Variants in GRM8 observed in about 807,000 individuals in gnomAD.
GRM8 encodes metabotropic glutamate receptor 8.
Under a neutral mutation model 87.2 loss-of-function variants are expected in GRM8, and 47 were observed. That is an observed-to-expected ratio of 0.54 (90% CI 0.43 to 0.69). The LOEUF (loss-of-function observed/expected upper bound fraction) is 0.69. Among genes scored for constraint, GRM8 ranks in the 30% least tolerant of loss-of-function variants. The pLI is 0.00. For synonymous variants in GRM8, 396 were observed against 404.5 expected (o/e 0.98, Z 0.25); for missense variants, 1,019 against 1,139.2 (o/e 0.89, Z 1.52).
At chr7:126,498,781 T>C (rs1440182659) in intron 9 of GRM8, among the ~76,000 whole-genome samples, 1 of 151,998 alleles carries the variant, frequency 6.6e-6, no homozygotes, top group African/African-American at 2.4e-5. Flanking sequence ...ATGGACATAA[T>C]GTAGCTAATG....
intron 7 of GRM8, among the ~76,000 whole-genome samples, chr7:126,704,811 T>C (rs1810322287): frequency 6.6e-6 from 1 of 152,142 alleles, no homozygotes; most frequent in Non-Finnish European, 1.5e-5. Context: ...TGATAAGATG[T>C]TATCAATGAC....
chr7:127,062,136 T>A (rs1430502294), intron 3 of GRM8, among the ~76,000 whole-genome samples: 3 of 85,002 alleles, frequency 3.5e-5, no homozygotes, highest in Middle Eastern at 5.6e-3. Context: ...AGAGCAAGAC[T>A]CCATCAAAAA....
chr7:126,900,493 TTTTG>T (rs1017455667), intron 6 of GRM8, among the ~76,000 whole-genome samples: 1 of 150,160 alleles, frequency 6.7e-6, no homozygotes, highest in African/African-American at 2.5e-5. Context: ...TAGCTAGCTT[TTTTG>T]TTTGTTTGTT....
chr7:126,528,293 G>A (rs1280467646), intron 9 of GRM8, among the ~76,000 whole-genome samples: 1 of 152,160 alleles, frequency 6.6e-6, no homozygotes, highest in Non-Finnish European at 1.5e-5. Context: ...AATGGCAGGT[G>A]AAATTGAGAC....
intron 6 of GRM8, among the ~76,000 whole-genome samples, chr7:126,859,673 C>T (rs1001027763): frequency 1.3e-5 from 2 of 152,132 alleles, no homozygotes; most frequent in African/African-American, 4.8e-5. Context: ...AATGCATATA[C>T]GTAAAGATAA....
chr7:127,247,724 T>C (rs1409810436), intron 1 of GRM8, among the ~76,000 whole-genome samples: 1 of 152,216 alleles, frequency 6.6e-6, no homozygotes, highest in African/African-American at 2.4e-5. Flanking sequence ...TTTCCTCATC[T>C]GTGAAACGAG....
intron 7 of GRM8, among the ~76,000 whole-genome samples, chr7:126,647,320 TAG>T (rs747462863): frequency 1.1e-4 from 7 of 62,018 alleles, no homozygotes; most frequent in Non-Finnish European, 2.4e-4. Flanking sequence ...GATAGATAGA[TAG>T]ATAGATAGAT....
At chr7:126,803,081 T>C (rs1415145179) in intron 6 of GRM8, among the ~76,000 whole-genome samples, 1 of 152,220 alleles carries the variant, frequency 6.6e-6, no homozygotes, top group Non-Finnish European at 1.5e-5. Context: ...TATCTATTCG[T>C]AAATGAAAAT....
In GRM8 at chr7:126,454,321, T is replaced by A. The variant is rs1410125622; in HGVS notation, c.2431-7949A>T. 4.0e-5 allele frequency among the ~76,000 whole-genome samples: 6 copies of A among 151,832 alleles called. No individual in the cohort carries two copies. The East Asian group carries it at 1.2e-3, about 30-fold the overall frequency. The stretch of plus-strand genomic sequence containing the variant: ...TTAAATTTTAGGCTAAATAATAAAT[T>A]CAGGTTGTGTTATCTAAGGAAAGTT... On this transcript the variant is annotated intron_variant, in intron 9 of 10. Transcript: ENST00000339582.
intron 7 of GRM8, among the ~76,000 whole-genome samples, chr7:126,674,792 T>C (rs2151315507): frequency 6.6e-6 from 1 of 152,120 alleles, no homozygotes; most frequent in East Asian, 1.9e-4. Flanking sequence ...GATTTGTACA[T>C]AGTAAGCACA....
chr7:127,050,607 C>T (rs935751067), intron 3 of GRM8, among the ~76,000 whole-genome samples: 8 of 152,116 alleles, frequency 5.3e-5, no homozygotes, highest in African/African-American at 1.9e-4. Flanking sequence ...GCAGAGGTGT[C>T]CAGAGAAGCC....
intron 2 of GRM8, among the ~76,000 whole-genome samples, chr7:127,215,826 G>A (rs1236380920): frequency 6.6e-6 from 1 of 152,148 alleles, no homozygotes; most frequent in Non-Finnish European, 1.5e-5. Context: ...TCATTTCAGG[G>A]CTTTGGAGAG....
chr7:126,664,542 T>C (rs1805553576), intron 7 of GRM8, among the ~76,000 whole-genome samples: 1 of 152,086 alleles, frequency 6.6e-6, no homozygotes, highest in African/African-American at 2.4e-5. Context: ...CTGTTCAATA[T>C]ATGGTCCTGG....
chr7:127,010,640 C>A (rs1197688994), intron 3 of GRM8, among the ~76,000 whole-genome samples: 1 of 152,108 alleles, frequency 6.6e-6, no homozygotes, highest in African/African-American at 2.4e-5. Context: ...CTTTACCCAA[C>A]AACATTGTGA....
intron 3 of GRM8, among the ~76,000 whole-genome samples, chr7:126,936,568 G>A (rs112088804): frequency 7.2e-5 from 11 of 152,142 alleles, no homozygotes; most frequent in African/African-American, 2.7e-4. Flanking sequence ...TTTGCACCTC[G>A]GAGTGGTTAA....
In GRM8 at chr7:126,733,628, T is replaced by TA. The variant is rs1813861294; in HGVS notation, c.1357+36236dup. ...TTTATTCCACAAAAAACAGTGTAGT[T>TA]AGACATTTGGAAAAAATTGATAAAC... On this transcript the variant is annotated intron_variant, in intron 7 of 10. Transcript: ENST00000339582. Among the ~76,000 whole-genome samples the TA allele has an allele frequency of 1.3e-5, 2 of 151,926 alleles. 1 individual carries two copies. Among genetic ancestry groups the TA allele is most frequent in the South Asian group, 4.1e-4 (2 of 4,832 alleles).
At chr7:126,826,335 C>G (rs189073107) in intron 6 of GRM8, among the ~76,000 whole-genome samples, 1 of 152,196 alleles carries the variant, frequency 6.6e-6, no homozygotes, top group Non-Finnish European at 1.5e-5. Flanking sequence ...ACAGTCCCAA[C>G]AACAGTGTAA....
At chr7:126,942,419 T>C (rs1487253486) in intron 3 of GRM8, among the ~76,000 whole-genome samples, 1 of 152,138 alleles carries the variant, frequency 6.6e-6, no homozygotes. Context: ...TTCATTATAA[T>C]TGGAAGCAGT....
chr7:126,595,079 G>A (rs1797033465), intron 8 of GRM8, among the ~76,000 whole-genome samples: 2 of 152,122 alleles, frequency 1.3e-5, no homozygotes, highest in Non-Finnish European at 2.9e-5. Flanking sequence ...AATATGCTCA[G>A]TAAAAAAAGC....
Sources: allele counts gnomAD v4.1 joint callset (sites outside exome capture counted in the v4.1 genomes callset), GRCh38; gene constraint gnomAD v4.1.1; transcripts MANE v1.5; gene names NCBI Gene and HGNC (gene_info 2026-07-23, HGNC 2026-07-21).